ITPKB: variants seen among roughly 807,000 people sequenced by gnomAD.
ITPKB encodes IP3 3-kinase B.
In ITPKB, 13 loss-of-function variants were observed where a neutral mutation model predicts 69.4. The ratio of observed to expected loss-of-function variants is 0.19; its 90% CI spans 0.12 to 0.30. The LOEUF is 0.30. Among genes scored for constraint, ITPKB ranks in the 10% least tolerant of loss-of-function variants. ITPKB has a pLI of 1.00. For synonymous variants in ITPKB, 584 were observed against 513.7 expected, an observed-to-expected ratio of 1.14 and a Z score of -1.85; for missense variants, 1,240 against 1,250.5, an observed-to-expected ratio of 0.99 and a Z score of 0.13.
At chr1:226,701,119 T>A (rs1425040713) in intron 2 of ITPKB, among the ~76,000 whole-genome samples, 1 of 152,192 alleles carries the variant, frequency 6.6e-6, no homozygotes, top group Non-Finnish European at 1.5e-5. Flanking sequence ...CTTCAAATGC[T>A]TTTGGCACTC....
At chr1:226,680,452 A>T (rs1259770859) in intron 2 of ITPKB, among the ~76,000 whole-genome samples, 1 of 152,210 alleles carries the variant, frequency 6.6e-6, no homozygotes, top group Non-Finnish European at 1.5e-5. Flanking sequence ...CCAAGAGAGG[A>T]GGCAATGCTG....
At chr1:226,689,188 C>T (rs1047641984) in intron 2 of ITPKB, among the ~76,000 whole-genome samples, 6 of 152,102 alleles carry the variant, frequency 3.9e-5, no homozygotes, top group African/African-American at 1.2e-4. Context: ...GGGGCAATGA[C>T]GAAAAAAGTA....
chr1:226,707,618 A>C (rs1375742055), intron 2 of ITPKB: 14 of 989,472 alleles, frequency 1.4e-5, no homozygotes, highest in African/African-American at 1.7e-5. Context: ...AATGGGGATA[A>C]ATAGGCAGTG....
chr1:226,731,979 A>G (rs933919127), intron 2 of ITPKB, among the ~76,000 whole-genome samples: 2 of 151,838 alleles, frequency 1.3e-5, no homozygotes, highest in Non-Finnish European at 2.9e-5. Flanking sequence ...TTTACCCCAA[A>G]CTAAAATTTT....
At chr1:226,718,808 T>G (rs1657158520) in intron 2 of ITPKB, among the ~76,000 whole-genome samples, 1 of 152,176 alleles carries the variant, frequency 6.6e-6, no homozygotes, top group East Asian at 1.9e-4. Flanking sequence ...GTGTGGCAGT[T>G]TCGTAAAATA....
chr1:226,658,385 C>T (rs1157616467), intron 2 of ITPKB, among the ~76,000 whole-genome samples: 2 of 152,178 alleles, frequency 1.3e-5, no homozygotes, highest in Non-Finnish European at 2.9e-5. Context: ...TGGTTAGAAA[C>T]CTGGCTGGGG....
chr1:226,670,162 C>T (rs1026134972), intron 2 of ITPKB, among the ~76,000 whole-genome samples: 3 of 127,450 alleles, frequency 2.4e-5, no homozygotes, highest in African/African-American at 9.7e-5. Flanking sequence ...GCGTGAGCCA[C>T]CAAGCTCCGC....
intron 2 of ITPKB, among the ~76,000 whole-genome samples, chr1:226,719,629 A>G (rs886467666): frequency 6.6e-6 from 1 of 152,358 alleles, no homozygotes; most frequent in South Asian, 2.1e-4. Flanking sequence ...ACTCGATTGC[A>G]TTCAATTCCT....
intron 2 of ITPKB, among the ~76,000 whole-genome samples, chr1:226,715,455 G>A (rs546529222): frequency 6.6e-6 from 1 of 152,348 alleles, no homozygotes; most frequent in South Asian, 2.1e-4. Context: ...TGACCCAGAA[G>A]ATTTAAGAAA....
chr1:226,658,168 T>C (rs559485288), intron 2 of ITPKB, among the ~76,000 whole-genome samples: 109 of 152,328 alleles, frequency 7.2e-4, no homozygotes, highest in African/African-American at 2.6e-3. Flanking sequence ...CATTTGGTCT[T>C]TCTAAAAAAG....
intron 2 of ITPKB, among the ~76,000 whole-genome samples, chr1:226,683,422 A>T (rs1280195111): frequency 2.0e-5 from 3 of 152,208 alleles, no homozygotes; most frequent in Admixed American, 6.5e-5. Flanking sequence ...TTCATCGGTA[A>T]GAAAACAGAG....
intron 2 of ITPKB, among the ~76,000 whole-genome samples, chr1:226,704,855 G>C (rs1656763870): frequency 6.6e-6 from 1 of 152,224 alleles, no homozygotes; most frequent in Admixed American, 6.5e-5. Flanking sequence ...TTTTCTTAAA[G>C]TCAGAGGCTC....
intron 2 of ITPKB, among the ~76,000 whole-genome samples, chr1:226,652,052 C>T (rs1164214263): frequency 2.0e-5 from 3 of 152,222 alleles, no homozygotes; most frequent in Non-Finnish European, 4.4e-5. Flanking sequence ...TTCTCTCTGC[C>T]AGCAGCAGCA....
intron 2 of ITPKB, among the ~76,000 whole-genome samples, chr1:226,685,433 G>C (rs1329698991): frequency 6.6e-6 from 1 of 152,054 alleles, no homozygotes; most frequent in East Asian, 1.9e-4. Context: ...CCTTCAACTT[G>C]GAATCATCTT....
At chr1:226,648,839 C>G (rs910479207) in intron 2 of ITPKB, 68 bp from the exon 3 acceptor site, 14 of 1,110,218 alleles carry the variant, frequency 1.3e-5, no homozygotes, top group Non-Finnish European at 1.8e-5. Flanking sequence ...AGGACAAATT[C>G]AAAGCAAAGG....
intron 2 of ITPKB, among the ~76,000 whole-genome samples, chr1:226,702,384 T>C (rs1276283250): frequency 7.0e-6 from 1 of 143,004 alleles, no homozygotes; most frequent in Non-Finnish European, 1.5e-5. Context: ...GGCGACACAG[T>C]GAGACTCCCT....
At chr1:226,717,160 C>T (rs532895010) in intron 2 of ITPKB, among the ~76,000 whole-genome samples, 5 of 152,228 alleles carry the variant, frequency 3.3e-5, no homozygotes, top group Admixed American at 6.5e-5. Context: ...CAAATCCTCC[C>T]GCAGGTACTC....
At chr1:226,643,584 G>A (rs1283016732) in intron 4 of ITPKB, among the ~76,000 whole-genome samples, 1 of 152,178 alleles carries the variant, frequency 6.6e-6, no homozygotes, top group Non-Finnish European at 1.5e-5. Context: ...TTGGGACCCA[G>A]AACAGACTAA....
rs1668779041 is a variant in ITPKB, at chr1:226,634,181, G to A, written c.*490C>T. The A allele has an allele frequency of 6.3e-6, 1 of 157,976 alleles. No homozygotes were observed. The highest frequency in any genetic ancestry group is 5.9e-5 in the Admixed American group (1 of 16,936). The allele number at this position is 157,976 out of a possible 1,614,324, so 9.8% of individuals were successfully genotyped here. A position where few individuals can be genotyped will look rare whatever the true frequency, so the allele number is the denominator to read the frequency against. ...CGATGGTTTTGTGCCCCAACTACCA[G>A]AAAGCCCTGCTCCCAGCCAGGGACC... On this transcript the variant is annotated 3_prime_UTR_variant, in exon 8 of 8. Coordinates refer to ENST00000429204, the MANE Select transcript of ITPKB (RefSeq NM_002221.4). The surrounding 1 kb of genome is among the most constrained non-coding windows in gnomAD (Gnocchi z 6.3).
Sources: allele counts gnomAD v4.1 joint callset (sites outside exome capture counted in the v4.1 genomes callset), GRCh38; gene constraint gnomAD v4.1.1; non-coding constraint Gnocchi (gnomAD v3.1); transcripts MANE v1.5; gene names NCBI Gene and HGNC (gene_info 2026-07-23, HGNC 2026-07-21).